The following LMBR1 variants were observed in gnomAD, a reference collection of about 807,000 sequenced individuals.
The protein encoded by LMBR1 is limb development membrane protein 1.
Under a neutral mutation model 73.9 loss-of-function variants are expected in LMBR1, and 52 were observed. The observed-to-expected ratio is 0.70, with a 90% CI of 0.56 to 0.89. LMBR1 has a LOEUF of 0.89. Among genes scored for constraint, LMBR1 ranks in the 40% least tolerant of loss-of-function variants. The probability of loss-of-function intolerance (pLI) is 0.00; values close to 1 mark genes in which losing one functional copy is unlikely to be tolerated. For synonymous variants in LMBR1, 215 were observed against 209.4 expected (o/e 1.03, Z -0.23); for missense variants, 539 against 579.8 (o/e 0.93, Z 0.72).
At chr7:156,885,337 A>G (rs1316031212) in intron 1 of LMBR1, among the ~76,000 whole-genome samples, 1 of 151,114 alleles carries the variant, frequency 6.6e-6, no homozygotes, top group African/African-American at 2.4e-5. Context: ...TCGGTGACAG[A>G]GCGAGACTCC....
intron 10 of LMBR1, among the ~76,000 whole-genome samples, chr7:156,728,986 C>T (rs1452190137): frequency 6.6e-6 from 1 of 152,130 alleles, no homozygotes; most frequent in East Asian, 1.9e-4. Flanking sequence ...ACTACAGATA[C>T]ATGCCACCAT....
At chr7:156,776,949 T>C (rs1169514814) in intron 5 of LMBR1, among the ~76,000 whole-genome samples, 1 of 152,116 alleles carries the variant, frequency 6.6e-6, no homozygotes, top group Non-Finnish European at 1.5e-5. Context: ...TTTTTTGGTT[T>C]TGAGATGGAA....
At chr7:156,802,210 T>C (rs116081916) in intron 4 of LMBR1, among the ~76,000 whole-genome samples, 2,353 of 152,290 alleles carry the variant, frequency 0.015, 54 homozygotes, top group African/African-American at 0.053. Context: ...CTTGAACCCC[T>C]GACCTCAGGT....
chr7:156,814,417 AC>A (rs1833578833), intron 4 of LMBR1, among the ~76,000 whole-genome samples: 1 of 152,234 alleles, frequency 6.6e-6, no homozygotes, highest in Admixed American at 6.5e-5. Context: ...ATGGAACAAA[AC>A]ATGTCTGCAT....
intron 15 of LMBR1, among the ~76,000 whole-genome samples, chr7:156,704,677 G>A (rs1248623526): frequency 2.1e-5 from 3 of 144,644 alleles, no homozygotes; most frequent in Non-Finnish European, 4.5e-5. Context: ...AGATGTAAGA[G>A]AAATCTGAAA....
chr7:156,767,963 T>C (rs1473278501), intron 5 of LMBR1, among the ~76,000 whole-genome samples: 1 of 152,230 alleles, frequency 6.6e-6, no homozygotes, highest in African/African-American at 2.4e-5. Context: ...AAACATTAAA[T>C]GGGATAAAGT....
intron 3 of LMBR1, among the ~76,000 whole-genome samples, chr7:156,829,911 C>T (rs988898445): frequency 6.6e-6 from 1 of 152,136 alleles, no homozygotes; most frequent in Admixed American, 6.5e-5. Context: ...AATAAATATC[C>T]TCAGGTGCTT....
chr7:156,751,315 C>T (rs909316294), intron 9 of LMBR1, among the ~76,000 whole-genome samples: 1 of 151,890 alleles, frequency 6.6e-6, no homozygotes, highest in African/African-American at 2.4e-5. Flanking sequence ...GAAAGCTCCA[C>T]GAAAGGGTAT....
chr7:156,738,171 G>C (rs1309258596), intron 9 of LMBR1, among the ~76,000 whole-genome samples: 3 of 152,096 alleles, frequency 2.0e-5, no homozygotes, highest in South Asian at 2.1e-4. Context: ...TGTGTACTTG[G>C]GGGAGGGAGA....
chr7:156,815,491 A>G (rs535460930), intron 4 of LMBR1, among the ~76,000 whole-genome samples: 125 of 152,338 alleles, frequency 8.2e-4, no homozygotes, highest in African/African-American at 2.8e-3. Flanking sequence ...TTCTGTAAGA[A>G]GCATATAAAG....
intron 16 of LMBR1, among the ~76,000 whole-genome samples, chr7:156,686,519 T>C (rs1262265149): frequency 1.3e-5 from 2 of 152,208 alleles, no homozygotes; most frequent in Non-Finnish European, 2.9e-5. Context: ...AATTGCCCCG[T>C]AGCACACCCC....
intron 9 of LMBR1, among the ~76,000 whole-genome samples, chr7:156,739,942 T>C (rs1370932493): frequency 1.3e-5 from 2 of 152,012 alleles, no homozygotes; most frequent in Non-Finnish European, 2.9e-5. Context: ...GAGAAATATA[T>C]AACCTTTCAG....
At chr7:156,751,606 C>A (rs1270913297) in intron 9 of LMBR1, among the ~76,000 whole-genome samples, 6 of 152,148 alleles carry the variant, frequency 3.9e-5, no homozygotes, top group Admixed American at 2.0e-4. Context: ...AGGAAGCTAC[C>A]GCAAAAACCT....
intron 15 of LMBR1, among the ~76,000 whole-genome samples, chr7:156,700,095 T>G (rs1287823557): frequency 6.6e-6 from 1 of 152,188 alleles, no homozygotes; most frequent in Non-Finnish European, 1.5e-5. Context: ...CATGCACACG[T>G]ATGTTTATTG....
intron 15 of LMBR1, among the ~76,000 whole-genome samples, chr7:156,695,969 A>G (rs1451338515): frequency 6.6e-6 from 1 of 152,244 alleles, no homozygotes; most frequent in African/African-American, 2.4e-5. Context: ...AAAATGAATA[A>G]ACTTTTCAAG....
chr7:156,721,908 C>T (rs1242555956), intron 15 of LMBR1, among the ~76,000 whole-genome samples: 1 of 151,852 alleles, frequency 6.6e-6, no homozygotes, highest in Non-Finnish European at 1.5e-5. Flanking sequence ...CATATCACAC[C>T]ATGTACTTAA....
At chr7:156,710,962 G>A (rs1811953426) in intron 15 of LMBR1, among the ~76,000 whole-genome samples, 1 of 151,932 alleles carries the variant, frequency 6.6e-6, no homozygotes, top group African/African-American at 2.4e-5. Flanking sequence ...AAATATCTAG[G>A]AGAATATTTA....
chr7:156,700,155 A>G (rs2132042920), intron 15 of LMBR1, among the ~76,000 whole-genome samples: 1 of 152,350 alleles, frequency 6.6e-6, no homozygotes, highest in Middle Eastern at 3.4e-3. Context: ...AATGTCCAGC[A>G]ACGATAGACT....
intron 15 of LMBR1, among the ~76,000 whole-genome samples, chr7:156,706,566 C>A (rs1216901280): frequency 2.6e-5 from 4 of 151,756 alleles, no homozygotes; most frequent in Non-Finnish European, 5.9e-5. Flanking sequence ...GAAATCAATA[C>A]CAAGAAGAAT....
Sources: gnomAD v4.1 joint callset for allele counts (sites outside exome capture counted in the v4.1 genomes callset) on GRCh38, gnomAD v4.1.1 for gene constraint, MANE v1.5 for transcripts, NCBI Gene and HGNC (gene_info 2026-07-23, HGNC 2026-07-21) for gene names.